Variants in SMARCC1 observed in about 807,000 individuals in gnomAD.
SMARCC1 encodes the protein SWI/SNF complex subunit SMARCC1.
Under a neutral mutation model 147.4 loss-of-function variants are expected in SMARCC1, and 43 were observed. The ratio of observed to expected loss-of-function variants is 0.29; its 90% CI spans 0.23 to 0.38. The LOEUF (loss-of-function observed/expected upper bound fraction) is 0.38, where lower values mean the gene tolerates loss of function less well. SMARCC1 is among the 10% of genes least tolerant of loss of function. The pLI is 1.00. For synonymous variants in SMARCC1, 495 were observed against 484.4 expected (o/e 1.02, Z -0.29); for missense variants, 1,119 against 1,381.1 (o/e 0.81, Z 3.01).
intron 2 of SMARCC1, among the ~76,000 whole-genome samples, chr3:47,754,434 C>T (rs1314749052): frequency 6.6e-6 from 1 of 152,048 alleles, no homozygotes; most frequent in Non-Finnish European, 1.5e-5. Context: ...ATCTCTTGAC[C>T]TCGTGATCCA....
intron 18 of SMARCC1, among the ~76,000 whole-genome samples, chr3:47,672,593 G>A (rs116341793): frequency 6.6e-6 from 1 of 152,030 alleles, no homozygotes; most frequent in Non-Finnish European, 1.5e-5. Flanking sequence ...GCCCCAAGAA[G>A]AACAAAATTC....
At chr3:47,629,882 T>C (rs1391592319) in intron 24 of SMARCC1, among the ~76,000 whole-genome samples, 3 of 151,810 alleles carry the variant, frequency 2.0e-5, no homozygotes, top group Non-Finnish European at 2.9e-5. Flanking sequence ...ACTTCAAGGG[T>C]AGTTACATCG....
intron 24 of SMARCC1, among the ~76,000 whole-genome samples, chr3:47,626,665 C>A (rs527908453): frequency 7.2e-5 from 11 of 152,196 alleles, no homozygotes; most frequent in African/African-American, 2.4e-4. Context: ...TTAAAGATAG[C>A]CACAAGTTCA....
At chr3:47,715,332 G>T (rs993726035) in intron 7 of SMARCC1, among the ~76,000 whole-genome samples, 23 of 152,166 alleles carry the variant, frequency 1.5e-4, no homozygotes, top group African/African-American at 5.1e-4. Flanking sequence ...ATGCTACCCT[G>T]GCCCCAGCGA....
At chr3:47,656,740 C>T (rs2033266813) in intron 21 of SMARCC1, among the ~76,000 whole-genome samples, 1 of 152,006 alleles carries the variant, frequency 6.6e-6, no homozygotes, top group South Asian at 2.1e-4. Context: ...ATGGTGAAAC[C>T]CCGTCTCTAC....
At chr3:47,601,151 G>C (rs2032379541) in intron 26 of SMARCC1, among the ~76,000 whole-genome samples, 1 of 150,458 alleles carries the variant, frequency 6.6e-6, no homozygotes, top group Non-Finnish European at 1.5e-5. Flanking sequence ...TTAAACAGCA[G>C]GCATCTGAAG....
intron 2 of SMARCC1, among the ~76,000 whole-genome samples, chr3:47,749,816 C>T: frequency 6.6e-6 from 1 of 151,256 alleles, no homozygotes; most frequent in African/African-American, 2.4e-5. Flanking sequence ...AAAAAGGTGG[C>T]TCACGCCTAC....
At chr3:47,635,465 CTTCTTT>C in intron 23 of SMARCC1, 121 bp from the exon 24 acceptor site, 2 of 886,256 alleles carry the variant, frequency 2.3e-6, no homozygotes, top group Non-Finnish European at 3.5e-6. Flanking sequence ...ATGCCTTTTT[CTTCTTT>C]TTAAGAGTTC....
At chr3:47,756,916 G>A (rs2034705001) in intron 2 of SMARCC1, among the ~76,000 whole-genome samples, 1 of 152,040 alleles carries the variant, frequency 6.6e-6, no homozygotes, top group Admixed American at 6.6e-5. Flanking sequence ...GAAGAGATCT[G>A]GAATAAATAT....
At chr3:47,776,356 C>T (rs1243277343) in intron 1 of SMARCC1, among the ~76,000 whole-genome samples, 1 of 152,144 alleles carries the variant, frequency 6.6e-6, no homozygotes, top group Middle Eastern at 3.4e-3. Flanking sequence ...AATCTCAGAA[C>T]TTTGGGAGGC....
At chr3:47,660,092 T>C (rs13061412) in intron 21 of SMARCC1, among the ~76,000 whole-genome samples, 93,761 of 151,866 alleles carry the variant, frequency 0.62, 29,679 homozygotes, top group East Asian at 0.72. Context: ...TGAAAATCCT[T>C]AGTTCACAAA....
chr3:47,594,012 A>G (rs1352248564), intron 26 of SMARCC1, among the ~76,000 whole-genome samples: 1 of 152,186 alleles, frequency 6.6e-6, no homozygotes, highest in Admixed American at 6.5e-5. Flanking sequence ...TAAAAATACA[A>G]AAATTAGCTG....
rs1225288192 is a variant in SMARCC1, at chr3:47,589,285, C to CAGCA, written c.3221-983_3221-980dup. Among the ~76,000 whole-genome samples the CAGCA allele has an allele frequency of 2.6e-5, 4 of 152,142 alleles. No individual in the cohort carries two copies. In the East Asian group the frequency reaches 7.7e-4, roughly 29 times the overall value. ...GCACTGACTTATGGCAGGAACCAGG[C>CAGCA]AGCAGGTGGGAAGGTTCCACCTGAA... On this transcript the variant is annotated intron_variant, in intron 27 of 27. Coordinates refer to ENST00000254480, the MANE Select transcript of SMARCC1 (RefSeq NM_003074.4).
At chr3:47,590,498 C>G (rs1267919152) in intron 27 of SMARCC1, among the ~76,000 whole-genome samples, 163 bp downstream of exon 27, 1 of 152,288 alleles carries the variant, frequency 6.6e-6, no homozygotes. Flanking sequence ...ATCAGGGGTG[C>G]TGAAGAACAC....
intron 21 of SMARCC1, among the ~76,000 whole-genome samples, chr3:47,652,970 G>A (rs1233772017): frequency 1.8e-5 from 2 of 113,278 alleles, no homozygotes; most frequent in Non-Finnish European, 3.5e-5. Context: ...TTTTTTTTGA[G>A]ACGGAGTCTC....
intron 2 of SMARCC1, among the ~76,000 whole-genome samples, chr3:47,758,054 A>C (rs1477506217): frequency 6.6e-6 from 1 of 152,194 alleles, no homozygotes; most frequent in Non-Finnish European, 1.5e-5. Flanking sequence ...TCAATGCAAA[A>C]TGAATAAAAA....
chr3:47,663,954 A>G, intron 19 of SMARCC1: 1 of 1,313,574 alleles, frequency 7.6e-7, no homozygotes, highest in Non-Finnish European at 1.1e-6. Flanking sequence ...CTGGCTTTGA[A>G]AGCTCCGCAG....
At position 47,708,083 on chromosome 3, in the gene SMARCC1, C is replaced by CTTT. The variant is rs915291740; in HGVS notation, c.919-1556_919-1554dup. Among the ~76,000 whole-genome samples the CTTT allele has an allele frequency of 1.4e-3, 91 of 64,280 alleles. 15 individuals are homozygous for CTTT. Among genetic ancestry groups the CTTT allele is most frequent in the African/African-American group, 5.8e-3 (87 of 15,074 alleles). 42.2% of individuals were successfully genotyped at this position (64,280 alleles called of 152,430 possible). On this transcript the variant is annotated intron_variant, in intron 9 of 27. Coordinates refer to ENST00000254480, the MANE Select transcript of SMARCC1 (RefSeq NM_003074.4). The stretch of plus-strand genomic sequence containing the variant: ...GTAAATCTGAAGTTGAATTTTTTTT[C>CTTT]TTTTTTTTTTTTTTTTTTTTTTTTT...
chr3:47,658,233 T>C (rs1457040401), intron 21 of SMARCC1, among the ~76,000 whole-genome samples: 1 of 152,192 alleles, frequency 6.6e-6, no homozygotes, highest in Admixed American at 6.5e-5. Flanking sequence ...CTTAAAAAAA[T>C]AGCTTTGAGA....
Sources: gnomAD v4.1 joint callset for allele counts (sites outside exome capture counted in the v4.1 genomes callset) on GRCh38, gnomAD v4.1.1 for gene constraint, MANE v1.5 for transcripts, NCBI Gene and HGNC (gene_info 2026-07-23, HGNC 2026-07-21) for gene names.